Variants in TP63 observed in about 807,000 individuals in gnomAD.
TP63 encodes tumor protein 63.
TP63 carries 17 observed loss-of-function variants against 82.8 expected under a neutral mutation model. That is an observed-to-expected ratio of 0.21 (90% CI 0.14 to 0.31). The LOEUF is 0.31. Among genes scored for constraint, TP63 ranks in the 10% least tolerant of loss-of-function variants. The pLI, the probability that TP63 is intolerant of heterozygous loss-of-function variation, is 1.00. For missense variants in TP63, 648 were observed against 895.3 expected, an observed-to-expected ratio of 0.72 and a Z score of 3.52; for synonymous variants, 330 against 321.7, an observed-to-expected ratio of 1.03 and a Z score of -0.28.
intron 1 of TP63, among the ~76,000 whole-genome samples, chr3:189,713,838 T>C (rs1367770473): frequency 6.6e-6 from 1 of 152,026 alleles, no homozygotes; most frequent in Admixed American, 6.6e-5. Flanking sequence ...AATAAGTCCA[T>C]AATAATATAA....
At chr3:189,812,311 C>T (rs1406054215) in intron 4 of TP63, among the ~76,000 whole-genome samples, 1 of 152,164 alleles carries the variant, frequency 6.6e-6, no homozygotes, top group Non-Finnish European at 1.5e-5. Flanking sequence ...TTTTAAACTT[C>T]TTTCAATGAA....
At chr3:189,754,198 A>G (rs1483095101) in intron 3 of TP63, among the ~76,000 whole-genome samples, 1 of 152,154 alleles carries the variant, frequency 6.6e-6, no homozygotes, top group Admixed American at 6.5e-5. Flanking sequence ...AACTGGGACC[A>G]TAAACCAGGT....
intron 1 of TP63, among the ~76,000 whole-genome samples, chr3:189,705,125 C>G (rs754498772): frequency 7.2e-5 from 11 of 152,186 alleles, no homozygotes; most frequent in Non-Finnish European, 1.5e-4. Context: ...TAGCAACTAA[C>G]AACCCAGGTT....
chr3:189,876,487 CAGAT>C (rs533019591), intron 10 of TP63, among the ~76,000 whole-genome samples: 245 of 152,248 alleles, frequency 1.6e-3, no homozygotes, highest in Non-Finnish European at 2.5e-3. Context: ...TGTGTGGCCA[CAGAT>C]AGATAGTAAA....
At chr3:189,801,146 T>G (rs1029465977) in intron 3 of TP63, among the ~76,000 whole-genome samples, 1 of 152,206 alleles carries the variant, frequency 6.6e-6, no homozygotes, top group African/African-American at 2.4e-5. Context: ...CTGCTGGGCT[T>G]CTAAAGGCAG....
At chr3:189,768,942 A>G (rs1490015902) in intron 3 of TP63, among the ~76,000 whole-genome samples, 1 of 152,196 alleles carries the variant, frequency 6.6e-6, no homozygotes, top group African/African-American at 2.4e-5. Flanking sequence ...TCAGAACAAA[A>G]GCAAATTAAT....
At chr3:189,808,168 T>A in intron 3 of TP63, 104 bp from the exon 4 acceptor site, 1 of 1,592,826 alleles carries the variant, frequency 6.3e-7, no homozygotes, top group African/African-American at 1.3e-5. Context: ...GCTTCCGACG[T>A]GAGGTCCATC....
At chr3:189,890,433 G>A (rs770054228) in intron 12 of TP63, among the ~76,000 whole-genome samples, 13 of 152,196 alleles carry the variant, frequency 8.5e-5, no homozygotes, top group Non-Finnish European at 1.9e-4. Flanking sequence ...TCTTTTTGAA[G>A]TGTAGAGCCA....
chr3:189,651,104 C>T (rs1226980195), intron 1 of TP63, among the ~76,000 whole-genome samples: 1 of 147,322 alleles, frequency 6.8e-6, no homozygotes, highest in East Asian at 2.3e-4. Context: ...CAGCATTTTG[C>T]CCTGCCCTAG....
chr3:189,839,071 G>GA (rs1713601006), intron 4 of TP63, among the ~76,000 whole-genome samples: 2 of 127,878 alleles, frequency 1.6e-5, no homozygotes, highest in Non-Finnish European at 3.4e-5. Context: ...AAAAGAAAAA[G>GA]AAAAAGTAGA....
chr3:189,869,206 C>A, intron 8 of TP63, 118 bp from the exon 9 acceptor site: 1 of 832,086 alleles, frequency 1.2e-6, no homozygotes, highest in Non-Finnish European at 1.9e-6. Flanking sequence ...GTACTACTGT[C>A]TTTTTAATAT....
intron 1 of TP63, among the ~76,000 whole-genome samples, chr3:189,644,777 A>G (rs1160091360): frequency 6.6e-6 from 1 of 152,114 alleles, no homozygotes; most frequent in Non-Finnish European, 1.5e-5. Flanking sequence ...AGAATATACC[A>G]TATTTGATTT....
At chr3:189,613,843 C>G in the TP63 span, among the ~76,000 whole-genome samples, 1 of 152,214 alleles carries the variant, frequency 6.6e-6, no homozygotes, top group Non-Finnish European at 1.5e-5. Flanking sequence ...TTTGGACTTG[C>G]ATGGGCCCTG....
intron 10 of TP63, among the ~76,000 whole-genome samples, chr3:189,883,400 C>A (rs1720133047): frequency 1.3e-5 from 2 of 152,192 alleles, no homozygotes; most frequent in African/African-American, 4.8e-5. Flanking sequence ...CCTTTCCTGA[C>A]TGTTAACCCC....
chr3:189,778,155 C>T (rs1190483563), intron 3 of TP63, among the ~76,000 whole-genome samples: 2 of 152,192 alleles, frequency 1.3e-5, no homozygotes, highest in African/African-American at 2.4e-5. Context: ...GCATGAGCCA[C>T]TGCGCCTGGC....
chr3:189,631,298 G>A (rs182770064), upstream of TP63: 35 of 1,366,556 alleles, frequency 2.6e-5, 1 homozygote, highest in African/African-American at 3.8e-4. Context: ...TGTTTATGAA[G>A]TTTTAGTCAA....
intron 4 of TP63, among the ~76,000 whole-genome samples, chr3:189,820,512 AGT>A (rs1444304591): frequency 6.6e-6 from 1 of 151,896 alleles, no homozygotes; most frequent in Non-Finnish European, 1.5e-5. Context: ...CCCCAACCTA[AGT>A]GTAATTGTCA....
chr3:189,709,618 C>G (rs1236748816), intron 1 of TP63, among the ~76,000 whole-genome samples: 1 of 151,968 alleles, frequency 6.6e-6, no homozygotes, highest in African/African-American at 2.4e-5. Flanking sequence ...GTACTCCAGC[C>G]TGGGCAACAG....
At chr3:189,800,399 T>A (rs1023267156) in intron 3 of TP63, among the ~76,000 whole-genome samples, 1 of 151,146 alleles carries the variant, frequency 6.6e-6, no homozygotes, top group Non-Finnish European at 1.5e-5. Flanking sequence ...TTACAAGGAG[T>A]TGGGTCTCTG....
Sources: allele counts gnomAD v4.1 joint callset (sites outside exome capture counted in the v4.1 genomes callset), GRCh38; gene constraint gnomAD v4.1.1; transcripts MANE v1.5; gene names NCBI Gene and HGNC (gene_info 2026-07-23, HGNC 2026-07-21).